MCMDC2: variants seen among roughly 807,000 people sequenced by gnomAD.
The protein encoded by MCMDC2 is minichromosome maintenance domain containing 2.
MCMDC2 carries 54 observed loss-of-function variants against 75.8 expected under a neutral mutation model. The ratio of observed to expected loss-of-function variants is 0.71; its 90% CI spans 0.57 to 0.89. The LOEUF (loss-of-function observed/expected upper bound fraction) is 0.89. Among genes scored for constraint, MCMDC2 ranks in the 40% least tolerant of loss-of-function variants. The probability of loss-of-function intolerance (pLI) is 0.00; values close to 1 mark genes in which losing one functional copy is unlikely to be tolerated. For missense variants in MCMDC2, 656 were observed against 780.4 expected, an observed-to-expected ratio of 0.84 and a Z score of 1.90; for synonymous variants, 249 against 274.6, an observed-to-expected ratio of 0.91 and a Z score of 0.92.
Position 66,874,419 on chromosome 8 carries a change from T to C in MCMDC2, c.188T>C (p.Leu63Ser). 3.1e-6 allele frequency: 5 copies of C among 1,613,838 alleles called. No homozygotes were observed. Among genetic ancestry groups the C allele is most frequent in the Non-Finnish European group, 4.2e-6 (5 of 1,179,942 alleles). ...GATGCTGAGCTTGGAAATCACATTT[T>C]ACACCAACCTTTAAAAGCTGCTGAA... is the stretch of plus-strand genomic sequence containing the variant. ...ELDAELGNHI[L>S]HQPLKAAEVF... The change falls in exon 3 of 15, where the codon TTA becomes TCA. Residue 63 changes from leucine to serine, a missense_variant. Coordinates refer to ENST00000422365, the MANE Select transcript of MCMDC2 (RefSeq NM_173518.5).
chr8:66,887,155 A>G (rs1251102453), intron 9 of MCMDC2, among the ~76,000 whole-genome samples: 1 of 152,134 alleles, frequency 6.6e-6, no homozygotes, highest in Non-Finnish European at 1.5e-5. Context: ...AATTGTCTAA[A>G]GGTATCTTTG....
At chr8:66,896,068 A>G in intron 10 of MCMDC2, 102 bp from the exon 11 acceptor site, 2 of 1,022,526 alleles carry the variant, frequency 2.0e-6, no homozygotes, top group Non-Finnish European at 2.8e-6. Context: ...TCACTATCCA[A>G]AGTCTACACA....
intron 11 of MCMDC2, 147 bp downstream of exon 11, chr8:66,896,483 G>T: frequency 1.3e-6 from 1 of 783,144 alleles, no homozygotes; most frequent in Non-Finnish European, 1.9e-6. Flanking sequence ...TTTAAAAATT[G>T]TAATGTTTTT....
intron 14 of MCMDC2, among the ~76,000 whole-genome samples, chr8:66,918,223 C>T (rs575377167): frequency 1.1e-4 from 16 of 152,100 alleles, no homozygotes; most frequent in East Asian, 3.9e-4. Flanking sequence ...ATTAGTTCTC[C>T]GCCTATTTTT....
chr8:66,899,676 T>C (rs774807167), intron 12 of MCMDC2, among the ~76,000 whole-genome samples: 16 of 151,892 alleles, frequency 1.1e-4, no homozygotes, highest in African/African-American at 1.7e-4. Flanking sequence ...TTTTGTATTT[T>C]TAGTAGAGAC....
intron 14 of MCMDC2, among the ~76,000 whole-genome samples, chr8:66,909,185 C>T (rs1369977433): frequency 6.6e-6 from 1 of 152,136 alleles, no homozygotes; most frequent in Non-Finnish European, 1.5e-5. Context: ...TCCCCTTTAC[C>T]TTCTGCCATG....
Position 66,896,272 on chromosome 8 carries a change from T to G in MCMDC2, c.1382T>G (p.Phe461Cys). 6.2e-7 allele frequency: 1 copy of G among 1,611,306 alleles called. No homozygotes were observed. The highest frequency in any genetic ancestry group is 1.1e-5 in the South Asian group (1 of 90,074). The change falls in exon 11 of 15, where the codon TTT (phenylalanine) becomes TGT (cysteine). Residue 461 changes from phenylalanine to cysteine, a missense_variant. Phe to Cys is a radical substitution (Grantham distance 205). Transcript: ENST00000422365. Reference sequence around the variant, plus strand: ...CCAGTTCAGTGCAGTTTTTGGTCTTTTGTTGATGTGGATTCATCTTCAAGG... The same window carrying G: ...CCAGTTCAGTGCAGTTTTTGGTCTTGTGTTGATGTGGATTCATCTTCAAGG... Reference protein sequence around the residue: ...TFPVQCSFWSFVDVDSSSRRN... With the variant: ...TFPVQCSFWSCVDVDSSSRRN...
chr8:66,917,755 T>G (rs1813377110), intron 14 of MCMDC2, among the ~76,000 whole-genome samples: 1 of 152,264 alleles, frequency 6.6e-6, no homozygotes, highest in Non-Finnish European at 1.5e-5. Flanking sequence ...TTTTTAAGGC[T>G]GAATAACATC....
At chr8:66,891,611 C>T (rs186917404) in intron 10 of MCMDC2, among the ~76,000 whole-genome samples, 1 of 152,272 alleles carries the variant, frequency 6.6e-6, no homozygotes, top group African/African-American at 2.4e-5. Context: ...GCTTCTCAAG[C>T]CAGAAACCTC....
intron 10 of MCMDC2, among the ~76,000 whole-genome samples, chr8:66,892,841 A>G (rs1348289844): frequency 1.3e-5 from 2 of 152,170 alleles, no homozygotes; most frequent in African/African-American, 4.8e-5. Flanking sequence ...TTTCTCATTT[A>G]GCCTGTTGAT....
chr8:66,880,357 A>C (rs1811501393), intron 7 of MCMDC2, among the ~76,000 whole-genome samples: 1 of 152,246 alleles, frequency 6.6e-6, no homozygotes. Context: ...GTGCCACTGC[A>C]CTACAGCCTG....
chr8:66,902,322 C>A (rs967857838), intron 13 of MCMDC2, among the ~76,000 whole-genome samples: 18 of 151,388 alleles, frequency 1.2e-4, no homozygotes, highest in African/African-American at 4.4e-4. Flanking sequence ...GCCCATCAAG[C>A]GGAAGTTGCA....
At chr8:66,882,078 G>C (rs1811598366) in intron 8 of MCMDC2, among the ~76,000 whole-genome samples, 1 of 152,178 alleles carries the variant, frequency 6.6e-6, no homozygotes, top group African/African-American at 2.4e-5. Flanking sequence ...GCATGATCTT[G>C]GGCAGCCACA....
chr8:66,887,267 C>T (rs979851690), intron 9 of MCMDC2, among the ~76,000 whole-genome samples: 28 of 151,738 alleles, frequency 1.8e-4, no homozygotes, highest in African/African-American at 5.6e-4. Flanking sequence ...TGGCTGGGCG[C>T]GGTGGCTCAT....
At chr8:66,908,531 A>G (rs959241929) in intron 14 of MCMDC2, among the ~76,000 whole-genome samples, 2 of 152,236 alleles carry the variant, frequency 1.3e-5, no homozygotes, top group Non-Finnish European at 2.9e-5. Context: ...TACGGTAATA[A>G]GATGAAAATA....
chr8:66,906,950 T>C (rs1297299972), intron 14 of MCMDC2, among the ~76,000 whole-genome samples: 3 of 152,190 alleles, frequency 2.0e-5, no homozygotes, highest in East Asian at 3.9e-4. Flanking sequence ...GTATTTTTAA[T>C]AGAGATGGGG....
chr8:66,919,477 T>C lies in MCMDC2; in HGVS notation c.*308T>C, dbSNP rs982017956. 5.6e-6 allele frequency: 1 copy of C among 179,912 alleles called. No individual in the cohort carries two copies. The highest frequency in any genetic ancestry group is 1.2e-5 in the Non-Finnish European group (1 of 86,650). 11.1% of individuals were successfully genotyped at this position (179,912 alleles called of 1,614,324 possible). ...GCCCAGAATACCAGTGGTGAACAGA[T>C]AAAAATGTAAATGTTGCAATTTGAG... is the stretch of plus-strand genomic sequence containing the variant. On this transcript the variant is annotated 3_prime_UTR_variant, in exon 15 of 15. Transcript: ENST00000422365.
At chr8:66,908,109 A>G (rs1812975251) in intron 14 of MCMDC2, among the ~76,000 whole-genome samples, 1 of 152,080 alleles carries the variant, frequency 6.6e-6, no homozygotes, top group South Asian at 2.1e-4. Context: ...TTTTGTTGCA[A>G]TTGCTTTTGG....
At chr8:66,888,447 G>A (rs902816705) in intron 9 of MCMDC2, among the ~76,000 whole-genome samples, 1 of 152,134 alleles carries the variant, frequency 6.6e-6, no homozygotes, top group African/African-American at 2.4e-5. Context: ...TGTATTTAAC[G>A]TGTAAATCAA....
Sources: gnomAD v4.1 joint callset for allele counts (sites outside exome capture counted in the v4.1 genomes callset) on GRCh38, gnomAD v4.1.1 for gene constraint, MANE v1.5 for transcripts, NCBI Gene and HGNC (gene_info 2026-07-23, HGNC 2026-07-21) for gene names.